The following POU2F2 variants were observed in gnomAD, a reference collection of about 807,000 sequenced individuals.
POU2F2 encodes POU domain, class 2, transcription factor 2.
A neutral mutation model predicts 63.5 loss-of-function variants in POU2F2; 14 were observed. The observed-to-expected ratio is 0.22, with a 90% CI of 0.15 to 0.34. POU2F2 has a LOEUF of 0.34. POU2F2 is among the 10% of genes least tolerant of loss of function. The pLI, the probability that POU2F2 is intolerant of heterozygous loss-of-function variation, is 1.00. For missense variants in POU2F2, 607 were observed against 815.2 expected, an observed-to-expected ratio of 0.74 and a Z score of 3.11; for synonymous variants, 306 against 348.6, an observed-to-expected ratio of 0.88 and a Z score of 1.36.
chr19:42,168,515 C>T (rs960555331), intron 1 of POU2F2, among the ~76,000 whole-genome samples: 1 of 152,198 alleles, frequency 6.6e-6, no homozygotes, highest in Non-Finnish European at 1.5e-5. Context: ...CAGTCTTCTG[C>T]CTTCTTCTCT....
At chr19:42,118,737 G>A (rs73051467) in intron 4 of POU2F2, among the ~76,000 whole-genome samples, 4,762 of 152,328 alleles carry the variant, frequency 0.031, 122 homozygotes, top group Middle Eastern at 0.051. Flanking sequence ...CACAGTGGTG[G>A]GAGAAGGCAT....
intron 1 of POU2F2, among the ~76,000 whole-genome samples, chr19:42,194,476 A>C (rs2035107403): frequency 1.3e-5 from 2 of 150,570 alleles, no homozygotes; most frequent in Admixed American, 6.6e-5. Flanking sequence ...AGAAAGGAAG[A>C]GATCGGGTGC....
intron 1 of POU2F2, among the ~76,000 whole-genome samples, chr19:42,188,786 A>C (rs1271846117): frequency 6.8e-6 from 1 of 148,006 alleles, no homozygotes; most frequent in Admixed American, 6.8e-5. Context: ...GGAGGGAAGG[A>C]AAGGGAGAGG....
chr19:42,122,809 C>T (rs890077456), intron 1 of POU2F2, among the ~76,000 whole-genome samples: 18 of 152,184 alleles, frequency 1.2e-4, no homozygotes, highest in African/African-American at 4.3e-4. Flanking sequence ...ATCCTTTCAC[C>T]TCTCCAGAAA....
At chr19:42,103,039 T>C (rs942426160) in intron 5 of POU2F2, among the ~76,000 whole-genome samples, 5 of 151,916 alleles carry the variant, frequency 3.3e-5, no homozygotes, top group African/African-American at 4.8e-5. Context: ...TTTTTTTTTT[T>C]CAAATGCACC....
In POU2F2 at chr19:42,092,246, C is replaced by G. The variant is rs766687002; in HGVS notation, c.1289G>C (p.Gly430Ala). 2.6e-6 allele frequency: 4 copies of G among 1,561,362 alleles called. No homozygotes were observed. Among genetic ancestry groups the G allele is most frequent in the Non-Finnish European group, 3.5e-6 (4 of 1,151,786 alleles). Reference protein sequence around the residue: ...TTVTTLSSAVGTLHPSRTAGG... With the variant: ...TTVTTLSSAVATLHPSRTAGG... ...AGCTGTCCGGCTGGGGTGGAGCGTC[C>G]CCACAGCTGAGGATAAGGTAGTAAC... The change falls in exon 13 of 15, where the codon GGG becomes GCG. Residue 430 changes from glycine (G) to alanine (A), a missense_variant. Around this residue, in one of 7 missense-constraint regions of POU2F2, gnomAD observed 270 missense variants for 307.5 expected, o/e 0.88. Coordinates refer to ENST00000692977, the MANE Select transcript of POU2F2 (RefSeq NM_001394376.1). This position sits in a 1 kb window ranked among gnomAD's most constrained non-coding sequence, Gnocchi z 5.0.
chr19:42,162,433 T>C lies in POU2F2; in HGVS notation c.-69-2041A>G, dbSNP rs1275420821. 6.6e-6 allele frequency among the ~76,000 whole-genome samples: 1 copy of C among 151,930 alleles called. No homozygotes were observed. The highest frequency in any genetic ancestry group is 2.4e-5 in the African/African-American group (1 of 41,346). On this transcript the variant is annotated intron_variant, in intron 1 of 6. Coordinates refer to the POU2F2 transcript ENST00000524801. The surrounding 1 kb of genome is among the most constrained non-coding windows in gnomAD (Gnocchi z 4.1). ...CTATTTAGAAGATGTCTTCCCCCAT[T>C]GTACAGATGGGGACCCTGAGGAACA...
chr19:42,095,449 G>C lies in POU2F2; in HGVS notation c.1034C>G (p.Thr345Ser). 1 of 1,613,030 alleles carries C rather than the reference G, an allele frequency of 6.2e-7. No homozygotes were observed. The highest frequency in any genetic ancestry group is 2.2e-5 in the East Asian group (1 of 44,862). ...GGCGATCAGCAGGATCTCCTCTGAGGTAGGCTTCTGGTTCTGCAGGCAGAG... is the reference window on the plus strand; with the variant it reads ...GGCGATCAGCAGGATCTCCTCTGAGCTAGGCTTCTGGTTCTGCAGGCAGAG... ...EKSFLANQKP[T>S]SEEILLIAEQ... The change falls in exon 11 of 15, where the codon ACC becomes AGC. Residue 345 changes from threonine to serine, a missense_variant. This residue lies in a region of POU2F2 where 36 missense variants were observed against 63.8 expected (regional missense o/e 0.56). Transcript: ENST00000692977. This position sits in a 1 kb window ranked among gnomAD's most constrained non-coding sequence, Gnocchi z 7.1.
chr19:42,109,718 C>A (rs1392646326), intron 5 of POU2F2, among the ~76,000 whole-genome samples: 2 of 152,168 alleles, frequency 1.3e-5, no homozygotes, highest in African/African-American at 4.8e-5. Context: ...TAGCTCACTG[C>A]AGCCTTGAAC....
chr19:42,150,544 G>A (rs1193176460), intron 2 of POU2F2, among the ~76,000 whole-genome samples: 5 of 151,698 alleles, frequency 3.3e-5, no homozygotes, highest in East Asian at 1.9e-4. Context: ...TGGATCGATC[G>A]GGGCTGGAGG....
At chr19:42,114,835 C>T (rs1297296436) in intron 5 of POU2F2, among the ~76,000 whole-genome samples, 1 of 152,174 alleles carries the variant, frequency 6.6e-6, no homozygotes, top group African/African-American at 2.4e-5. Flanking sequence ...ACTTCAAGAG[C>T]CAGGTATTGA....
chr19:42,103,965 G>C (rs1252704136), intron 5 of POU2F2, among the ~76,000 whole-genome samples: 2 of 152,256 alleles, frequency 1.3e-5, no homozygotes, highest in Admixed American at 1.3e-4. Context: ...TATACAAAGA[G>C]AGATTTTGCA....
In POU2F2 at chr19:42,095,986, G is replaced by A; in HGVS notation, c.730-57C>T. The A allele has an allele frequency of 6.3e-7, 1 of 1,596,588 alleles. No individual in the cohort carries two copies. Among genetic ancestry groups the A allele is most frequent in the Non-Finnish European group, 8.5e-7 (1 of 1,172,884 alleles). ...TCAGGGTGGGGCCTTCCGGCACTGG[G>A]CCCGCTCCGCCCGCCCACTGGCCAC... On this transcript the variant is annotated intron_variant, in intron 8 of 14. Coordinates refer to ENST00000692977, the MANE Select transcript of POU2F2 (RefSeq NM_001394376.1). This position sits in a 1 kb window ranked among gnomAD's most constrained non-coding sequence, Gnocchi z 7.1.
chr19:42,130,066 TCACA>T (rs2033567399), intron 1 of POU2F2, among the ~76,000 whole-genome samples: 1 of 151,914 alleles, frequency 6.6e-6, no homozygotes, highest in Non-Finnish European at 1.5e-5. Flanking sequence ...ACACATGCAC[TCACA>T]CACACTCTCA....
chr19:42,197,900 G>A (rs990847467), upstream of POU2F2, among the ~76,000 whole-genome samples: 7 of 152,168 alleles, frequency 4.6e-5, no homozygotes, highest in Non-Finnish European at 1.0e-4. Context: ...GAGTGGCCGG[G>A]TGCAGCAGCT....
intron 1 of POU2F2, among the ~76,000 whole-genome samples, chr19:42,160,776 T>C (rs62119604): frequency 6.6e-6 from 1 of 152,068 alleles, no homozygotes; most frequent in African/African-American, 2.4e-5. Flanking sequence ...ACGGAGTGAA[T>C]GGATGGGTGG....
intron 5 of POU2F2, among the ~76,000 whole-genome samples, chr19:42,102,194 G>A (rs1036852090): frequency 1.3e-5 from 2 of 152,208 alleles, no homozygotes; most frequent in African/African-American, 4.8e-5. Context: ...CTACAGCAAT[G>A]AGAATGAGCA....
At chr19:42,134,857 G>A (rs1277450351), upstream of POU2F2, among the ~76,000 whole-genome samples, 1 of 152,154 alleles carries the variant, frequency 6.6e-6, no homozygotes, top group South Asian at 2.1e-4. Flanking sequence ...CTCCCGACAA[G>A]ACAATAATCG....
At chr19:42,125,636 C>A (rs1304058051) in intron 1 of POU2F2, among the ~76,000 whole-genome samples, 1 of 152,166 alleles carries the variant, frequency 6.6e-6, no homozygotes, top group Non-Finnish European at 1.5e-5. Context: ...GTCCTAAATC[C>A]CACCCCTCCT....
Sources: allele counts gnomAD v4.1 joint callset (sites outside exome capture counted in the v4.1 genomes callset), GRCh38; gene constraint gnomAD v4.1.1; regional missense constraint gnomAD v4.1.1; non-coding constraint Gnocchi (gnomAD v3.1); transcripts MANE v1.5; gene names NCBI Gene and HGNC (gene_info 2026-07-23, HGNC 2026-07-21).